Variants in DDX49 observed in about 807,000 individuals in gnomAD.
The protein encoded by DDX49 is probable ATP-dependent RNA helicase DDX49.
DDX49 carries 50 observed loss-of-function variants against 56.3 expected under a neutral mutation model. The observed-to-expected ratio is 0.89, with a 90% CI of 0.71 to 1.12. DDX49 has a LOEUF of 1.12. DDX49 is among the 50% of genes most tolerant of loss of function. The pLI is 0.00. For synonymous variants in DDX49, 269 were observed against 270.6 expected (o/e 0.99, Z 0.06); for missense variants, 614 against 650.5 (o/e 0.94, Z 0.61).
At chr19:18,922,074 G>T (rs1458852633) in intron 4 of DDX49, 110 bp downstream of exon 4, 7 of 1,424,682 alleles carry the variant, frequency 4.9e-6, no homozygotes, top group Non-Finnish European at 6.6e-6. Flanking sequence ...ATGTCCGTTA[G>T]ACTGTCCAGT....
At chr19:18,922,253 G>C in intron 4 of DDX49, 73 bp from the exon 5 acceptor site, 1 of 1,536,846 alleles carries the variant, frequency 6.5e-7, no homozygotes, top group Non-Finnish European at 8.8e-7. Flanking sequence ...CTCTCAAAGA[G>C]GCCTGCTTCA....
rs1448281998 is a variant in DDX49 at position 18,922,489 on chromosome 19, CCTT to C, written c.617_619del (p.Phe206del). Reference sequence around the variant, plus strand: ...CTGCAGGGTCTGGCCACCAACCAGCCCTTCTTCTGGGAAGCACAGGCCCCGTGA... The same window carrying C: ...CTGCAGGGTCTGGCCACCAACCAGCCCTTCTGGGAAGCACAGGCCCCGTGA... On this transcript the variant is annotated inframe_deletion, in exon 5 of 13. Coordinates refer to ENST00000247003, the MANE Select transcript of DDX49 (RefSeq NM_019070.5). The C allele has an allele frequency of 6.9e-6, 11 of 1,600,594 alleles. No individual in the cohort carries two copies. Among genetic ancestry groups the C allele is most frequent in the Middle Eastern group, 1.6e-4 (1 of 6,072 alleles).
intron 6 of DDX49, 58 bp downstream of exon 6, chr19:18,922,802 G>A (rs1033758711): frequency 5.7e-6 from 9 of 1,580,910 alleles, no homozygotes; most frequent in Admixed American, 3.4e-5. Context: ...GTGGCCCGAC[G>A]TCTTTGGTCT....
At position 18,924,993 on chromosome 19, in the gene DDX49, G is replaced by C. The variant is rs757336578; in HGVS notation, c.1027+14G>C. 8 of 1,607,478 alleles carry C rather than the reference G, an allele frequency of 5.0e-6. No homozygotes were observed. The highest frequency in any genetic ancestry group is 1.3e-5 in the African/African-American group (1 of 74,910). On this transcript the variant is annotated intron_variant, in intron 9 of 12. Coordinates refer to ENST00000247003, the MANE Select transcript of DDX49 (RefSeq NM_019070.5). Reference sequence around the variant, plus strand: ...CGGCCCGTGCAGGTGAGCAGTGGAGGGGGAGGCCGAGCCTTGGGCCTCTGT... The same window carrying C: ...CGGCCCGTGCAGGTGAGCAGTGGAGCGGGAGGCCGAGCCTTGGGCCTCTGT...
At position 18,928,421 on chromosome 19, in the gene DDX49, C is replaced by T. The variant is rs1043233843; in HGVS notation, c.*105C>T. The T allele has an allele frequency of 7.6e-6, 9 of 1,180,954 alleles. No homozygotes were observed. The highest frequency in any genetic ancestry group is 1.5e-5 in the African/African-American group (1 of 64,530). The allele number at this position is 1,180,954 out of a possible 1,614,324, so 73.2% of individuals were successfully genotyped here. On this transcript the variant is annotated 3_prime_UTR_variant, in exon 13 of 13. Coordinates refer to ENST00000247003, the MANE Select transcript of DDX49 (RefSeq NM_019070.5). The stretch of plus-strand genomic sequence containing the variant: ...CCTTCCCGGGGGCCTACCCAGTGCC[C>T]CACAGCAGAACCCGTGGGCGCTCGT...
chr19:18,920,844 G>C, intron 2 of DDX49, 141 bp downstream of exon 2: 1 of 861,624 alleles, frequency 1.2e-6, no homozygotes, highest in Non-Finnish European at 1.7e-6. Flanking sequence ...GGGTCCTGCA[G>C]AATTAAACAA....
intron 10 of DDX49, among the ~76,000 whole-genome samples, chr19:18,926,978 C>T (rs2056966039): frequency 6.9e-6 from 1 of 145,620 alleles, no homozygotes; most frequent in Non-Finnish European, 1.5e-5. Flanking sequence ...GAGGGTGAGG[C>T]ATGAGAATTA....
At chr19:18,922,210 G>A (rs1406443410) in intron 4 of DDX49, 116 bp from the exon 5 acceptor site, 1 of 1,335,190 alleles carries the variant, frequency 7.5e-7, no homozygotes, top group Non-Finnish European at 1.0e-6. Context: ...CTTGGAAGGA[G>A]GGTACTCCAG....
Position 18,928,049 on chromosome 19 carries a change from C to A in DDX49, c.1263+13C>A, listed in dbSNP as rs199556752. ...CCTGGAGGGGAAGGTGAGGGCCGAG[C>A]CCGCAGGTAGGGGGTGGGTGGCCAG... On this transcript the variant is annotated intron_variant, in intron 12 of 12. Coordinates refer to ENST00000247003, the MANE Select transcript of DDX49 (RefSeq NM_019070.5). 144 of 1,613,642 alleles carry A rather than the reference C, an allele frequency of 8.9e-5. 3 individuals are homozygous for A. In the African/African-American group the frequency reaches 1.4e-3, roughly 15 times the overall value.
Position 18,922,318 on chromosome 19 carries a change from C to T in DDX49, c.448-8C>T, listed in dbSNP as rs2056924364. ...GCACCCTCACCCCTGCCCCCATTGGCACGGCAGGTGATGGATGAGGCAGAC... is the reference window on the plus strand; with the variant it reads ...GCACCCTCACCCCTGCCCCCATTGGTACGGCAGGTGATGGATGAGGCAGAC... On this transcript the variant is annotated splice_polypyrimidine_tract_variant and splice_region_variant and intron_variant, in intron 4 of 12. Coordinates refer to ENST00000247003, the MANE Select transcript of DDX49 (RefSeq NM_019070.5). 1 of 1,608,816 alleles carries T rather than the reference C, an allele frequency of 6.2e-7. No homozygotes were observed. The highest frequency in any genetic ancestry group is 8.5e-7 in the Non-Finnish European group (1 of 1,178,600).
chr19:18,923,392 A>G (rs2056934837), intron 6 of DDX49, among the ~76,000 whole-genome samples: 1 of 152,100 alleles, frequency 6.6e-6, no homozygotes, highest in African/African-American at 2.4e-5. Context: ...CATGGTGGCG[A>G]GCACCTGTAG....
intron 9 of DDX49, among the ~76,000 whole-genome samples, chr19:18,926,062 G>C (rs10415986): frequency 0.39 from 59,400 of 152,048 alleles, 13,344 homozygotes; most frequent in Middle Eastern, 0.55. Context: ...AAGGGAAATC[G>C]GGCAGTAACT....
At position 18,922,527 on chromosome 19, in the gene DDX49, C is replaced by A. The variant is rs1277767890; in HGVS notation, c.635+14C>A. 2.9e-5 allele frequency: 46 copies of A among 1,598,004 alleles called. No individual in the cohort carries two copies. Among genetic ancestry groups the A allele is most frequent in the Non-Finnish European group, 3.8e-5 (45 of 1,173,134 alleles). On this transcript the variant is annotated intron_variant, in intron 5 of 12. Transcript: ENST00000247003. ...AGCACAGGCCCCGTGAGTCCACAGC[C>A]CAGACAGCGTGGGGAGGGCAGCCCC... is the stretch of plus-strand genomic sequence containing the variant.
At chr19:18,925,958 T>G (rs768826909) in intron 9 of DDX49, among the ~76,000 whole-genome samples, 7 of 152,182 alleles carry the variant, frequency 4.6e-5, no homozygotes, top group Non-Finnish European at 7.3e-5. Flanking sequence ...CTAGTCAACG[T>G]CACAGAAAAC....
intron 2 of DDX49, 76 bp from the exon 3 acceptor site, chr19:18,921,587 C>G: frequency 3.5e-6 from 5 of 1,414,448 alleles, no homozygotes; most frequent in Non-Finnish European, 5.0e-6. Context: ...AGGGAGGAAC[C>G]CTGGGGATGG....
rs1210510004 is a variant in DDX49, at chr19:18,924,934, C to A, written c.982C>A (p.Leu328Ile). 1 of 1,612,486 alleles carries A rather than the reference C, an allele frequency of 6.2e-7. No individual in the cohort carries two copies. Among genetic ancestry groups the A allele is most frequent in the Non-Finnish European group, 8.5e-7 (1 of 1,179,930 alleles). The change falls in exon 9 of 13, where the codon CTC becomes ATC. Residue 328 changes from leucine to isoleucine, a missense_variant. Physicochemically the swap from Leu to Ile is conservative, Grantham distance 5. Coordinates refer to ENST00000247003, the MANE Select transcript of DDX49 (RefSeq NM_019070.5). ...QVVINHNTPG[L>I]PKIYIHRVGR... ...GGTCATCAACCACAACACCCCCGGG[C>A]TCCCCAAGATCTACATCCACCGAGT...
intron 6 of DDX49, among the ~76,000 whole-genome samples, chr19:18,923,394 C>G (rs2056934853): frequency 1.3e-5 from 2 of 152,098 alleles, no homozygotes; most frequent in South Asian, 4.1e-4. Flanking sequence ...TGGTGGCGAG[C>G]ACCTGTAGTC....
intron 10 of DDX49, among the ~76,000 whole-genome samples, chr19:18,927,527 G>A (rs955935097): frequency 7.9e-5 from 12 of 152,134 alleles, no homozygotes; most frequent in Admixed American, 6.5e-5. Flanking sequence ...GGCGGATGTT[G>A]CAGTGAGCCG....
At chr19:18,925,280 G>A in intron 9 of DDX49, 1 of 334,214 alleles carries the variant, frequency 3.0e-6, no homozygotes, top group Non-Finnish European at 5.6e-6. Context: ...AATAGGCCAG[G>A]TGCGGTGGCT....
Sources: gnomAD v4.1 joint callset for allele counts (sites outside exome capture counted in the v4.1 genomes callset) on GRCh38, gnomAD v4.1.1 for gene constraint, MANE v1.5 for transcripts, NCBI Gene and HGNC (gene_info 2026-07-23, HGNC 2026-07-21) for gene names.